Variants in RBFOX1 observed in about 807,000 individuals in gnomAD.
The protein encoded by RBFOX1 is RNA binding fox-1 homolog 1.
Under a neutral mutation model 57.7 loss-of-function variants are expected in RBFOX1, and 8 were observed. The ratio of observed to expected loss-of-function variants is 0.14; its 90% confidence interval spans 0.08 to 0.25. The LOEUF is 0.25. Among genes scored for constraint, RBFOX1 ranks in the 10% least tolerant of loss-of-function variants. The pLI, the probability that RBFOX1 is intolerant of heterozygous loss-of-function variation, is 1.00. For missense variants in RBFOX1, 611 were observed against 548.5 expected, an observed-to-expected ratio of 1.11 and a Z score of -1.14; for synonymous variants, 326 against 222.4, an observed-to-expected ratio of 1.47 and a Z score of -4.15.
intron 1 of RBFOX1, among the ~76,000 whole-genome samples, chr16:5,376,064 A>G (rs1192600190): frequency 6.6e-6 from 1 of 151,692 alleles, no homozygotes; most frequent in Admixed American, 6.6e-5. Context: ...GCTACTTGGG[A>G]GGCTGAGGCA....
chr16:6,209,169 C>T (rs2097275410), intron 1 of RBFOX1, among the ~76,000 whole-genome samples: 1 of 152,206 alleles, frequency 6.6e-6, no homozygotes, highest in Non-Finnish European at 1.5e-5. Flanking sequence ...TGAGCCCTTA[C>T]TCCTCAAGTA....
chr16:6,174,889 C>T (rs1486211622), intron 1 of RBFOX1, among the ~76,000 whole-genome samples: 1 of 152,156 alleles, frequency 6.6e-6, no homozygotes, highest in Non-Finnish European at 1.5e-5. Context: ...GACACCCTTT[C>T]CAATAGTCTA....
At chr16:5,835,449 G>C (rs759515804) in intron 3 of RBFOX1, among the ~76,000 whole-genome samples, 5 of 152,196 alleles carry the variant, frequency 3.3e-5, no homozygotes, top group Non-Finnish European at 7.3e-5. Context: ...AGGGGGTTTT[G>C]AGTATATCAG....
At position 6,203,791 on chromosome 16, in the gene RBFOX1, G is replaced by A. The variant is rs535303940; in HGVS notation, c.-126-113204G>A. On this transcript the variant is annotated intron_variant, in intron 1 of 15. Coordinates refer to ENST00000550418, the MANE Select transcript of RBFOX1 (RefSeq NM_018723.4). ...TGCAGCCACAATGGAAAGCAGTTTG[G>A]AGGTGGCTCAAAAACTTAAAAATAG... 1.2e-3 allele frequency among the ~76,000 whole-genome samples: 182 copies of A among 152,256 alleles called. 1 individual carries two copies. The highest frequency in any genetic ancestry group is 4.2e-3 in the African/African-American group (175 of 41,554).
intron 1 of RBFOX1, among the ~76,000 whole-genome samples, chr16:6,267,191 A>G (rs1051859454): frequency 3.3e-5 from 5 of 152,194 alleles, no homozygotes; most frequent in African/African-American, 1.2e-4. Flanking sequence ...AAGGGGGAAA[A>G]AAATCTGGGG....
chr16:5,977,636 C>T lies in RBFOX1; in HGVS notation c.351+110301C>T, dbSNP rs541012027. 3.9e-5 allele frequency among the ~76,000 whole-genome samples: 6 copies of T among 152,220 alleles called. No homozygotes were observed. The East Asian group carries it at 7.8e-4, about 20-fold the overall frequency. ...TGCTGCTTACTATGAGAGGGGAGAG[C>T]AGCCACAGAGAAGAGAAAACCAACT... On this transcript the variant is annotated intron_variant, in intron 4 of 19. Coordinates refer to the RBFOX1 transcript ENST00000641259.
rs1461177693 is a variant in RBFOX1 at position 7,642,618 on chromosome 16, A to G, written c.758-11197A>G. On this transcript the variant is annotated intron_variant, in intron 11 of 15. Coordinates refer to ENST00000550418, the MANE Select transcript of RBFOX1 (RefSeq NM_018723.4). The stretch of plus-strand genomic sequence containing the variant: ...GTTTCAGCCAGCTGTTAGATAGAAC[A>G]TGAATGATTTAACAATTGAAACTTC... Among the ~76,000 whole-genome samples, 5 of 152,334 alleles carry G rather than the reference A, an allele frequency of 3.3e-5. No homozygotes were observed. The East Asian group carries it at 5.8e-4, about 18-fold the overall frequency.
At chr16:5,486,395 C>G (rs2042628849) in intron 2 of RBFOX1, among the ~76,000 whole-genome samples, 1 of 152,132 alleles carries the variant, frequency 6.6e-6, no homozygotes, top group Non-Finnish European at 1.5e-5. Context: ...GCCGAGGGGA[C>G]CAATGAAGAC....
chr16:7,225,691 T>C (rs190565588), intron 4 of RBFOX1, among the ~76,000 whole-genome samples: 9 of 138,610 alleles, frequency 6.5e-5, no homozygotes, highest in Non-Finnish European at 1.4e-4. Flanking sequence ...GAAATCCAAA[T>C]AGAATTGGCG....
At chr16:7,582,518 G>A (rs1195469691) in intron 6 of RBFOX1, among the ~76,000 whole-genome samples, 1 of 152,130 alleles carries the variant, frequency 6.6e-6, no homozygotes, top group Non-Finnish European at 1.5e-5. Flanking sequence ...CGGTGGTCAT[G>A]GAGCCGTTCT....
rs183926097 is a variant in RBFOX1 at position 6,897,444 on chromosome 16, C to G, written c.-15-154613C>G. ...ACATTTGCATTGACTGGGGCATGTC[C>G]TGACACAGATTAAAACGTGATGTGG... On this transcript the variant is annotated intron_variant, in intron 3 of 15. Coordinates refer to ENST00000550418, the MANE Select transcript of RBFOX1 (RefSeq NM_018723.4). 4.6e-5 allele frequency among the ~76,000 whole-genome samples: 7 copies of G among 152,162 alleles called. No homozygotes were observed. The East Asian group carries it at 7.8e-4, about 17-fold the overall frequency.
At chr16:6,230,801 G>T (rs1013948853) in intron 1 of RBFOX1, among the ~76,000 whole-genome samples, 1 of 152,170 alleles carries the variant, frequency 6.6e-6, no homozygotes, top group African/African-American at 2.4e-5. Context: ...ATATGGATAC[G>T]CATAGTACAA....
intron 4 of RBFOX1, among the ~76,000 whole-genome samples, chr16:7,057,862 G>A (rs979416118): frequency 3.3e-5 from 5 of 152,120 alleles, no homozygotes; most frequent in African/African-American, 1.2e-4. Flanking sequence ...ACAAAAATTA[G>A]CCAGGCATGG....
chr16:5,281,633 A>G (rs2081000888), intron 1 of RBFOX1, among the ~76,000 whole-genome samples: 1 of 152,144 alleles, frequency 6.6e-6, no homozygotes, highest in South Asian at 2.1e-4. Context: ...CATATTTAGA[A>G]TTGTTATATT....
intron 2 of RBFOX1, among the ~76,000 whole-genome samples, chr16:6,639,352 G>C (rs1264277247): frequency 6.6e-6 from 1 of 152,114 alleles, no homozygotes. Context: ...TACAAGAGCG[G>C]TTTAGTAGGT....
Position 6,712,457 on chromosome 16 carries a change from CCT to C in RBFOX1, c.-16+57811_-16+57812del, listed in dbSNP as rs538938696. Among the ~76,000 whole-genome samples, 741 of 152,198 alleles carry C rather than the reference CCT, an allele frequency of 4.9e-3. 3 individuals carry two copies. The highest frequency in any genetic ancestry group is 7.1e-3 in the Non-Finnish European group (480 of 68,002). On this transcript the variant is annotated intron_variant, in intron 3 of 15. Coordinates refer to ENST00000550418, the MANE Select transcript of RBFOX1 (RefSeq NM_018723.4). ...TTTACTGTGTACCATCCTAACCTTTCCTCTCATCTCCCGAGGACTATTTTCTC... is the reference window on the plus strand; with the variant it reads ...TTTACTGTGTACCATCCTAACCTTTCCTCATCTCCCGAGGACTATTTTCTC...
intron 2 of RBFOX1, among the ~76,000 whole-genome samples, chr16:6,654,034 G>C (rs2098626420): frequency 6.6e-6 from 1 of 151,148 alleles, no homozygotes; most frequent in African/African-American, 2.4e-5. Context: ...GTCAATGAAT[G>C]GATAGATGGG....
chr16:5,785,441 C>G (rs1050515972), intron 3 of RBFOX1, among the ~76,000 whole-genome samples: 4 of 152,140 alleles, frequency 2.6e-5, no homozygotes, highest in Non-Finnish European at 4.4e-5. Context: ...CCTTGACGAT[C>G]CTTCCATTTT....
chr16:5,891,639 A>G (rs1041772620), intron 4 of RBFOX1, among the ~76,000 whole-genome samples: 1 of 152,108 alleles, frequency 6.6e-6, no homozygotes, highest in African/African-American at 2.4e-5. Context: ...GGAAGCTCCG[A>G]GGGAATCTCT....
Sources: allele counts gnomAD v4.1 joint callset (sites outside exome capture counted in the v4.1 genomes callset), GRCh38; gene constraint gnomAD v4.1.1; transcripts MANE v1.5; gene names NCBI Gene and HGNC (gene_info 2026-07-23, HGNC 2026-07-21).